The following CTNNA3 variants were observed in gnomAD, a reference collection of about 807,000 sequenced individuals.
The protein encoded by CTNNA3 is catenin alpha 3, also known as catenin alpha-3.
In CTNNA3, 76 loss-of-function variants were observed where a neutral mutation model predicts 95.7. That is an observed-to-expected ratio of 0.79 (90% CI 0.66 to 0.96). The LOEUF (loss-of-function observed/expected upper bound fraction) is 0.96. CTNNA3 is among the 40% of genes least tolerant of loss of function. CTNNA3 has a pLI of 0.00. For synonymous variants in CTNNA3, 431 were observed against 374.4 expected, an observed-to-expected ratio of 1.15 and a Z score of -1.74; for missense variants, 1,191 against 1,089.8, an observed-to-expected ratio of 1.09 and a Z score of -1.31.
intron 7 of CTNNA3, among the ~76,000 whole-genome samples, chr10:66,887,083 G>T (rs1800967720): frequency 6.6e-6 from 1 of 152,056 alleles, no homozygotes; most frequent in Non-Finnish European, 1.5e-5. Context: ...TGAGGTGATG[G>T]ATGTCTGTGG....
intron 5 of CTNNA3, among the ~76,000 whole-genome samples, chr10:67,519,926 G>A (rs1839931841): frequency 6.6e-6 from 1 of 152,144 alleles, no homozygotes; most frequent in Non-Finnish European, 1.5e-5. Flanking sequence ...CATCAAGCTA[G>A]AGAAGAGCTG....
intron 17 of CTNNA3, among the ~76,000 whole-genome samples, chr10:65,925,896 T>C (rs1390672799): frequency 6.6e-6 from 1 of 151,990 alleles, no homozygotes; most frequent in Non-Finnish European, 1.5e-5. Flanking sequence ...TTAAGCCATC[T>C]GATTCCTTTC....
chr10:66,613,904 T>C (rs1844418124), intron 10 of CTNNA3, among the ~76,000 whole-genome samples: 1 of 152,060 alleles, frequency 6.6e-6, no homozygotes, highest in Non-Finnish European at 1.5e-5. Context: ...ATCATCATCA[T>C]CAACAGTAGA....
At chr10:67,059,898 G>A (rs538664763) in intron 7 of CTNNA3, among the ~76,000 whole-genome samples, 36 of 152,088 alleles carry the variant, frequency 2.4e-4, no homozygotes, top group Admixed American at 2.2e-3. Context: ...AATATTTTAG[G>A]TGCCATAGGG....
At chr10:66,113,408 AT>A (rs1435914277) in intron 13 of CTNNA3, among the ~76,000 whole-genome samples, 1 of 152,198 alleles carries the variant, frequency 6.6e-6, no homozygotes, top group Non-Finnish European at 1.5e-5. Context: ...GTGAGTTTAT[AT>A]CCTATTTCCA....
chr10:67,011,238 G>A (rs1470012160), intron 7 of CTNNA3, among the ~76,000 whole-genome samples: 1 of 151,968 alleles, frequency 6.6e-6, no homozygotes, highest in Non-Finnish European at 1.5e-5. Flanking sequence ...CTACTCGGGA[G>A]GCTGAGGCAG....
At chr10:66,285,375 C>T (rs1351820476) in intron 12 of CTNNA3, among the ~76,000 whole-genome samples, 2 of 151,808 alleles carry the variant, frequency 1.3e-5, no homozygotes, top group African/African-American at 2.4e-5. Context: ...CTTAGAAACT[C>T]ATCTTCTTTC....
chr10:66,027,647 T>A (rs191380877), intron 15 of CTNNA3, among the ~76,000 whole-genome samples: 2 of 152,198 alleles, frequency 1.3e-5, no homozygotes. Context: ...CTTACCACTT[T>A]GTAATCTTGT....
intron 11 of CTNNA3, among the ~76,000 whole-genome samples, chr10:66,511,104 C>CAACCTGTAGTACCTGTAGTAACTAAACCA (rs1201381048): frequency 6.6e-6 from 1 of 151,604 alleles, no homozygotes; most frequent in Non-Finnish European, 1.5e-5. Context: ...ATTTTTGGTT[C>CAACCTGTAGTACCTGTAGTAACTAAACCA]AATCTTGGTA....
At chr10:66,963,948 G>C (rs952100038) in intron 7 of CTNNA3, among the ~76,000 whole-genome samples, 2 of 151,756 alleles carry the variant, frequency 1.3e-5, no homozygotes, top group Non-Finnish European at 2.9e-5. Context: ...GTTCAAGCAA[G>C]CAATTCTCCT....
chr10:67,198,134 G>A (rs182829110), intron 6 of CTNNA3, among the ~76,000 whole-genome samples: 6 of 152,252 alleles, frequency 3.9e-5, no homozygotes, highest in African/African-American at 1.2e-4. Context: ...AAAGCCACAT[G>A]TGAGTAGTGG....
At position 66,024,085 on chromosome 10, in the gene CTNNA3, A is replaced by ATTTTTTTTTTTTTTTTTTTTTTTTT. The variant is rs71474007; in HGVS notation, c.2160-35289_2160-35288insAAAAAAAAAAAAAAAAAAAAAAAAA. 2.5e-4 allele frequency among the ~76,000 whole-genome samples: 22 copies of ATTTTTTTTTTTTTTTTTTTTTTTTT among 87,744 alleles called. 3 individuals carry two copies. The highest frequency in any genetic ancestry group is 4.3e-4 in the African/African-American group (10 of 23,108). The allele number at this position is 87,744 out of a possible 152,430, so 57.6% of individuals were successfully genotyped here. ...TATCACAGAAACTTATACCATACAC[A>ATTTTTTTTTTTTTTTTTTTTTTTTT]TTTTTTTTTTTTTTTTTTTTTTGAG... On this transcript the variant is annotated intron_variant, in intron 15 of 17. Transcript: ENST00000433211.
At chr10:66,806,295 A>G (rs199799271) in intron 7 of CTNNA3, among the ~76,000 whole-genome samples, 17,265 of 101,532 alleles carry the variant, frequency 0.17, 2,124 homozygotes, top group East Asian at 0.37. Flanking sequence ...GTGTGTGTAT[A>G]TATACTCATT....
At chr10:67,284,913 G>C (rs554974318) in intron 5 of CTNNA3, among the ~76,000 whole-genome samples, 1 of 152,146 alleles carries the variant, frequency 6.6e-6, no homozygotes, top group Non-Finnish European at 1.5e-5. Context: ...AGCCTGGAGA[G>C]ACATAAGACT....
At chr10:66,736,272 G>C (rs1041217863) in intron 9 of CTNNA3, among the ~76,000 whole-genome samples, 1 of 151,482 alleles carries the variant, frequency 6.6e-6, no homozygotes, top group Non-Finnish European at 1.5e-5. Context: ...TGCAACTTCC[G>C]CCTCCCGGGT....
chr10:65,953,912 G>C (rs1333900307), intron 17 of CTNNA3, among the ~76,000 whole-genome samples: 1 of 152,106 alleles, frequency 6.6e-6, no homozygotes, highest in Non-Finnish European at 1.5e-5. Context: ...GTAATGGGAT[G>C]GCTGGGTCAA....
chr10:66,937,163 T>C (rs1030505127), intron 7 of CTNNA3, among the ~76,000 whole-genome samples: 1 of 152,110 alleles, frequency 6.6e-6, no homozygotes. Context: ...CAACTTTGTA[T>C]ACCAGAAAGA....
chr10:66,233,159 C>CAAAA (rs56368191), intron 13 of CTNNA3, among the ~76,000 whole-genome samples: 1 of 60,202 alleles, frequency 1.7e-5, no homozygotes, highest in Admixed American at 2.4e-4. Flanking sequence ...GACTCCACCT[C>CAAAA]AAAAAAAAAA....
At chr10:67,743,075 A>T (rs914684623) in intron 1 of CTNNA3, among the ~76,000 whole-genome samples, 9 of 151,334 alleles carry the variant, frequency 5.9e-5, no homozygotes, top group African/African-American at 2.2e-4. Context: ...CCAGAGGTAC[A>T]AACAGGAGCT....
Sources: allele counts gnomAD v4.1 joint callset (sites outside exome capture counted in the v4.1 genomes callset), GRCh38; gene constraint gnomAD v4.1.1; transcripts MANE v1.5; gene names NCBI Gene and HGNC (gene_info 2026-07-23, HGNC 2026-07-21).